ZNF131: variants seen among roughly 807,000 people sequenced by gnomAD.
The protein encoded by ZNF131 is zinc finger and BTB domain containing 35, also known as zinc finger protein 131.
Under a neutral mutation model 60.0 loss-of-function variants are expected in ZNF131, and 7 were observed. That is an observed-to-expected ratio of 0.12 (90% CI 0.07 to 0.22). The LOEUF is 0.22. ZNF131 is among the 10% of genes least tolerant of loss of function. The pLI is 1.00. For missense variants in ZNF131, 493 were observed against 740.9 expected, an observed-to-expected ratio of 0.67 and a Z score of 3.88; for synonymous variants, 257 against 253.2, an observed-to-expected ratio of 1.01 and a Z score of -0.14.
At chr5:43,173,573 T>G (rs1751249093) in intron 6 of ZNF131, 125 bp downstream of exon 6, 2 of 1,225,996 alleles carry the variant, frequency 1.6e-6, no homozygotes, top group Non-Finnish European at 2.2e-6. Context: ...GAAATGAGAA[T>G]AAAGAACATT....
In ZNF131 at chr5:43,174,749, A is replaced by T; in HGVS notation, c.1488A>T (p.Glu496Asp). The change falls in exon 7 of 7, where the codon GAA becomes GAT. Residue 496 changes from glutamate to aspartate, a missense_variant. This residue lies in a region of ZNF131 where 202 missense variants were observed against 221.3 expected (regional missense o/e 0.91). Transcript: ENST00000682664. ...VQVDSAQVTV[E>D]QVHPDLLQDS... ...TGGATTCAGCACAAGTGACTGTGGAACAAGTCCATCCAGATCTGCTCCAGG... is the reference window on the plus strand; with the variant it reads ...TGGATTCAGCACAAGTGACTGTGGATCAAGTCCATCCAGATCTGCTCCAGG... The T allele has an allele frequency of 1.9e-6, 3 of 1,614,230 alleles. No individual in the cohort carries two copies. The highest frequency in any genetic ancestry group is 2.5e-6 in the Non-Finnish European group (3 of 1,180,044).
chr5:43,125,403 C>T (rs1457438766), intron 3 of ZNF131, among the ~76,000 whole-genome samples: 1 of 151,700 alleles, frequency 6.6e-6, no homozygotes, highest in Non-Finnish European at 1.5e-5. Flanking sequence ...AGGTGATCCA[C>T]CCGCCTCTTC....
chr5:43,131,859 CCTATAGTGAAT>C (rs1237269428), intron 3 of ZNF131, among the ~76,000 whole-genome samples: 9 of 151,276 alleles, frequency 5.9e-5, no homozygotes, highest in Admixed American at 5.9e-4. Context: ...AGATTGTGAA[CCTATAGTGAAT>C]GAGAACATGT....
At chr5:43,127,922 G>A (rs888232534) in intron 3 of ZNF131, among the ~76,000 whole-genome samples, 16 of 152,218 alleles carry the variant, frequency 1.1e-4, no homozygotes, top group Admixed American at 9.8e-4. Flanking sequence ...CTCTGTAACA[G>A]CAGCTCTACC....
chr5:43,122,018 T>C (rs764213044), intron 1 of ZNF131, 21 bp from the exon 2 acceptor site: 3 of 1,612,184 alleles, frequency 1.9e-6, no homozygotes, highest in South Asian at 2.2e-5. Flanking sequence ...GGGTGTACAT[T>C]ATCATGCTCT....
intron 3 of ZNF131, among the ~76,000 whole-genome samples, chr5:43,126,211 T>C (rs1326527279): frequency 6.6e-6 from 1 of 152,238 alleles, no homozygotes; most frequent in African/African-American, 2.4e-5. Context: ...TTGGAGTATG[T>C]CATGGACATT....
At chr5:43,139,071 A>G (rs1349624875) in intron 3 of ZNF131, 94 bp from the exon 4 acceptor site, 2 of 1,101,402 alleles carry the variant, frequency 1.8e-6, no homozygotes, top group South Asian at 3.1e-5. Flanking sequence ...TAAATACTCA[A>G]CAAGCTCCAA....
At chr5:43,173,955 C>T (rs986054838) in intron 6 of ZNF131, among the ~76,000 whole-genome samples, 14 of 152,140 alleles carry the variant, frequency 9.2e-5, no homozygotes, top group African/African-American at 1.7e-4. Context: ...TGGCCAGGCA[C>T]GGTGGCTCAC....
chr5:43,132,505 C>CTTTTTTTTTTTTTTTTTTTTTGTTTTTT (rs1745482753), intron 3 of ZNF131, among the ~76,000 whole-genome samples: 1 of 93,504 alleles, frequency 1.1e-5, no homozygotes. Context: ...GAATGGTATT[C>CTTTTTTTTTTTTTTTTTTTTTGTTTTTT]TTTTTTTTTT....
chr5:43,172,759 C>T (rs1056750551), intron 5 of ZNF131, among the ~76,000 whole-genome samples: 3 of 152,144 alleles, frequency 2.0e-5, no homozygotes, highest in Non-Finnish European at 2.9e-5. Flanking sequence ...TCATTCCAGG[C>T]CGAATTGACC....
intron 3 of ZNF131, 165 bp downstream of exon 3, chr5:43,123,475 G>A: frequency 2.0e-6 from 1 of 494,042 alleles, no homozygotes; most frequent in Non-Finnish European, 3.4e-6. Context: ...GGTAAAGGTA[G>A]ATAAATTGTT....
At chr5:43,145,207 A>G (rs1272637147) in intron 4 of ZNF131, among the ~76,000 whole-genome samples, 1 of 152,080 alleles carries the variant, frequency 6.6e-6, no homozygotes, top group Admixed American at 6.5e-5. Flanking sequence ...CTTGCTGTTC[A>G]GTTGTGAATA....
chr5:43,125,297 A>AT (rs965073955), intron 3 of ZNF131, among the ~76,000 whole-genome samples: 7 of 149,006 alleles, frequency 4.7e-5, no homozygotes, highest in East Asian at 2.0e-4. Context: ...TCTGAGCAGA[A>AT]TTTTTTTTTT....
In ZNF131 at chr5:43,131,808, C is replaced by CA. The variant is rs36085217; in HGVS notation, c.227-7344dup. On this transcript the variant is annotated intron_variant, in intron 3 of 6. Transcript: ENST00000682664. Reference sequence around the variant, plus strand: ...AAGGGTAGGCATATGTGCGTATGTACAAAAAAAAAAAAATGGGGGGACTTT... The same window carrying CA: ...AAGGGTAGGCATATGTGCGTATGTACAAAAAAAAAAAAAATGGGGGGACTTT... Among the ~76,000 whole-genome samples the CA allele has an allele frequency of 9.7e-3, 1,277 of 131,302 alleles. 14 individuals carry two copies. The highest frequency in any genetic ancestry group is 0.031 in the African/African-American group (1,080 of 34,494). The allele number at this position is 131,302 out of a possible 152,430, so 86.1% of individuals were successfully genotyped here.
chr5:43,151,742 G>A (rs1183514836), intron 4 of ZNF131, among the ~76,000 whole-genome samples: 1 of 151,826 alleles, frequency 6.6e-6, no homozygotes, highest in Non-Finnish European at 1.5e-5. Context: ...GCCAGTCATC[G>A]TATTTTTGTG....
Position 43,170,419 on chromosome 5 carries a change from A to G in ZNF131, c.1055-2899A>G, listed in dbSNP as rs936175684. 3.9e-5 allele frequency among the ~76,000 whole-genome samples: 6 copies of G among 152,190 alleles called. 1 individual carries two copies. The South Asian group carries it at 1.2e-3, about 32-fold the overall frequency. On this transcript the variant is annotated intron_variant, in intron 5 of 6. Coordinates refer to ENST00000682664, the MANE Select transcript of ZNF131 (RefSeq NM_001330707.2). ...GGGCTCCACCTTCCATCCTGGAATC[A>G]TTCAGTTATTTACTCCTACCTGCTG... is the stretch of plus-strand genomic sequence containing the variant.
chr5:43,161,592 C>T lies in ZNF131; in HGVS notation c.715C>T (p.Pro239Ser). Reference sequence around the variant, plus strand: ...TAAAGAAGATGGCTGTCCATCTGACCCCACGAGCAAACAGGTAGAAGGTAT... The same window carrying T: ...TAAAGAAGATGGCTGTCCATCTGACTCCACGAGCAAACAGGTAGAAGGTAT... ...QIKEDGCPSD[P>S]TSKQVEGIEI... is the part of the protein sequence containing the mutation. Residue 239 changes from proline (P) to serine (S), a missense_variant, in exon 5 of 7, where the codon CCC becomes TCC. By Grantham distance (74) the Pro-to-Ser change is moderately conservative. Coordinates refer to ENST00000682664, the MANE Select transcript of ZNF131 (RefSeq NM_001330707.2). The T allele has an allele frequency of 1.9e-6, 3 of 1,614,194 alleles. No homozygotes were observed. The highest frequency in any genetic ancestry group is 1.7e-6 in the Non-Finnish European group (2 of 1,180,042).
chr5:43,168,822 G>A (rs573609042), intron 5 of ZNF131, among the ~76,000 whole-genome samples: 3 of 152,188 alleles, frequency 2.0e-5, no homozygotes, highest in Non-Finnish European at 4.4e-5. Context: ...ACATTAGGTA[G>A]CCTGGATCAA....
chr5:43,167,569 A>G (rs916994728), intron 5 of ZNF131, among the ~76,000 whole-genome samples: 21 of 152,142 alleles, frequency 1.4e-4, no homozygotes, highest in Admixed American at 2.6e-4. Flanking sequence ...TTGTATGTTC[A>G]TAAAGCATGC....
Sources: allele counts gnomAD v4.1 joint callset (sites outside exome capture counted in the v4.1 genomes callset), GRCh38; gene constraint gnomAD v4.1.1; regional missense constraint gnomAD v4.1.1; transcripts MANE v1.5; gene names NCBI Gene and HGNC (gene_info 2026-07-23, HGNC 2026-07-21).